AGFG1: variants seen among roughly 807,000 people sequenced by gnomAD.
AGFG1 encodes the protein ArfGAP with FG repeats 1.
A neutral mutation model predicts 60.6 loss-of-function variants in AGFG1; 10 were observed. The observed-to-expected ratio is 0.16, with a 90% confidence interval of 0.10 to 0.28. AGFG1 has a LOEUF of 0.28. AGFG1 is among the 10% of genes least tolerant of loss of function. The pLI is 1.00. For missense variants in AGFG1, 537 were observed against 676.5 expected, an observed-to-expected ratio of 0.79 and a Z score of 2.29; for synonymous variants, 247 against 242.9, an observed-to-expected ratio of 1.02 and a Z score of -0.16.
intron 1 of AGFG1, among the ~76,000 whole-genome samples, chr2:227,484,688 GTTTTTTTTTTTTTTT>G (rs745570416): frequency 3.6e-4 from 9 of 25,090 alleles, no homozygotes; most frequent in East Asian, 6.2e-3. Flanking sequence ...TTTTTTTTTT[GTTTTTTTTTTTTTTT>G]TTTTTTTTTT....
At position 227,472,170 on chromosome 2, in the gene AGFG1, T is replaced by G. The variant is rs1051940023; in HGVS notation, c.-252T>G. 2 of 156,158 alleles carry G rather than the reference T, an allele frequency of 1.3e-5. No individual in the cohort carries two copies. The highest frequency in any genetic ancestry group is 4.8e-5 in the African/African-American group (2 of 41,466). 9.7% of individuals were successfully genotyped at this position (156,158 alleles called of 1,614,324 possible). A position where few individuals can be genotyped will look rare whatever the true frequency, so the allele number is the denominator to read the frequency against. On this transcript the variant is annotated 5_prime_UTR_variant, in exon 1 of 13. Coordinates refer to ENST00000310078, the MANE Select transcript of AGFG1 (RefSeq NM_004504.5). ...CCTCGTCTTTTCCCCTCAGGAGAAG[T>G]CGGGAAGGTGGCGGCGGCGGCGGCG...
chr2:227,547,165 A>G (rs2106238893), intron 10 of AGFG1, among the ~76,000 whole-genome samples: 1 of 152,324 alleles, frequency 6.6e-6, no homozygotes, highest in South Asian at 2.1e-4. Flanking sequence ...CCTTATATCT[A>G]AATACTTAGT....
At position 227,558,321 on chromosome 2, in the gene AGFG1, T is replaced by G. The variant is rs1217641518; in HGVS notation, c.*3826T>G. 1 of 152,148 alleles carries G rather than the reference T, an allele frequency of 6.6e-6. No individual in the cohort carries two copies. Among genetic ancestry groups the G allele is most frequent in the Non-Finnish European group, 1.5e-5 (1 of 68,012 alleles). 9.4% of individuals were successfully genotyped at this position (152,148 alleles called of 1,614,324 possible). ...TTCTGAACAAGTTAACGTTCTTGTC[T>G]TGTATATCTAAAAAAACTTTAATCA... On this transcript the variant is annotated 3_prime_UTR_variant, in exon 13 of 13. Transcript: ENST00000310078.
chr2:227,472,285 C>G lies in AGFG1; in HGVS notation c.-137C>G, dbSNP rs2106142907. ...CGAGCCCAGTACAGCCAAGCCGCTG[C>G]GGCCGGGTCCGGCGCGGGCGGCGCG... On this transcript the variant is annotated 5_prime_UTR_variant, in exon 1 of 13. Transcript: ENST00000310078. 2.4e-6 allele frequency: 1 copy of G among 422,776 alleles called. No individual in the cohort carries two copies. The highest frequency in any genetic ancestry group is 9.4e-5 in the South Asian group (1 of 10,626). The allele number at this position is 422,776 out of a possible 1,614,324, so 26.2% of individuals were successfully genotyped here. A position where few individuals can be genotyped will look rare whatever the true frequency, so the allele number is the denominator to read the frequency against.
At chr2:227,487,483 A>G (rs1271260026) in intron 1 of AGFG1, among the ~76,000 whole-genome samples, 1 of 152,124 alleles carries the variant, frequency 6.6e-6, no homozygotes, top group African/African-American at 2.4e-5. Flanking sequence ...ATAATGTCAT[A>G]CTTTTTAAAA....
At chr2:227,546,448 G>C (rs1692651066) in intron 10 of AGFG1, among the ~76,000 whole-genome samples, 1 of 152,210 alleles carries the variant, frequency 6.6e-6, no homozygotes, top group African/African-American at 2.4e-5. Flanking sequence ...CCCGGGTGAG[G>C]TGATGCCCCG....
chr2:227,512,725 T>G (rs940285311), intron 2 of AGFG1, among the ~76,000 whole-genome samples: 39 of 152,256 alleles, frequency 2.6e-4, no homozygotes, highest in African/African-American at 9.2e-4. Context: ...TATTGATTAC[T>G]TGTTCATCAA....
intron 2 of AGFG1, among the ~76,000 whole-genome samples, chr2:227,492,833 A>G (rs1690859336): frequency 6.6e-6 from 1 of 152,146 alleles, no homozygotes; most frequent in Admixed American, 6.5e-5. Context: ...TTTAATGAAG[A>G]GTAAGCATAG....
chr2:227,480,443 A>C (rs1017314964), intron 1 of AGFG1, among the ~76,000 whole-genome samples: 1 of 151,966 alleles, frequency 6.6e-6, no homozygotes, highest in Non-Finnish European at 1.5e-5. Context: ...TCCATCTCCC[A>C]GGCTGGAGTG....
intron 10 of AGFG1, among the ~76,000 whole-genome samples, chr2:227,548,676 G>A (rs1314835003): frequency 2.6e-5 from 4 of 152,296 alleles, no homozygotes; most frequent in East Asian, 1.9e-4. Context: ...AGTGGCTCAC[G>A]CCTGTAATCC....
rs1295238680 is a variant in AGFG1, at chr2:227,559,338, A to C, written c.*4843A>C. 2 of 152,192 alleles carry C rather than the reference A, an allele frequency of 1.3e-5. No homozygotes were observed. The highest frequency in any genetic ancestry group is 2.9e-5 in the Non-Finnish European group (2 of 68,020). The allele number at this position is 152,192 out of a possible 1,614,324, so 9.4% of individuals were successfully genotyped here. A position where few individuals can be genotyped will look rare whatever the true frequency, so the allele number is the denominator to read the frequency against. ...CAAATCCTGAATATATAGTGAAGGT[A>C]GGAAATAGCTCTTCTTATGCCACAT... On this transcript the variant is annotated 3_prime_UTR_variant, in exon 13 of 13. Coordinates refer to ENST00000310078, the MANE Select transcript of AGFG1 (RefSeq NM_004504.5).
intron 10 of AGFG1, among the ~76,000 whole-genome samples, chr2:227,540,632 C>A (rs997868692): frequency 1.3e-5 from 2 of 152,092 alleles, no homozygotes; most frequent in Non-Finnish European, 2.9e-5. Context: ...TCTTTGCTAT[C>A]GTGAATAGTG....
rs186877694 is a variant in AGFG1 at position 227,548,686 on chromosome 2, C to T, written c.1379-3273C>T. On this transcript the variant is annotated intron_variant, in intron 10 of 12. Transcript: ENST00000310078. Reference sequence around the variant, plus strand: ...GGTGCAGTGGCTCACGCCTGTAATCCCAGCACTTTGGGAGGCCGAGGCAGG... The same window carrying T: ...GGTGCAGTGGCTCACGCCTGTAATCTCAGCACTTTGGGAGGCCGAGGCAGG... Among the ~76,000 whole-genome samples, 459 of 152,250 alleles carry T rather than the reference C, an allele frequency of 3.0e-3. 3 individuals carry two copies. Among genetic ancestry groups the T allele is most frequent in the African/African-American group, 0.011 (447 of 41,544 alleles).
intron 2 of AGFG1, among the ~76,000 whole-genome samples, chr2:227,496,883 A>T (rs1367478362): frequency 6.6e-6 from 1 of 152,204 alleles, no homozygotes; most frequent in Non-Finnish European, 1.5e-5. Context: ...TGTCATTTAC[A>T]TTAATATTCG....
chr2:227,516,829 C>G (rs1264552006), intron 2 of AGFG1, among the ~76,000 whole-genome samples: 1 of 151,926 alleles, frequency 6.6e-6, no homozygotes, highest in Non-Finnish European at 1.5e-5. Flanking sequence ...GTAAAGTGTC[C>G]ATCAAATACA....
intron 2 of AGFG1, among the ~76,000 whole-genome samples, chr2:227,505,863 G>A (rs932736137): frequency 1.3e-5 from 2 of 151,818 alleles, no homozygotes; most frequent in East Asian, 1.9e-4. Context: ...TCAGCCTCCC[G>A]AGTAGCTGGG....
chr2:227,503,584 G>C (rs1226738214), intron 2 of AGFG1, among the ~76,000 whole-genome samples: 1 of 152,116 alleles, frequency 6.6e-6, no homozygotes, highest in East Asian at 1.9e-4. Flanking sequence ...TCCACTGTTG[G>C]CAGCTTTGGG....
chr2:227,504,233 C>T (rs112797716), intron 2 of AGFG1, among the ~76,000 whole-genome samples: 106 of 150,384 alleles, frequency 7.0e-4, no homozygotes, highest in African/African-American at 2.4e-3. Flanking sequence ...TTCCGTCACT[C>T]CCGGGCTGGA....
At chr2:227,484,438 G>C (rs1575063496) in intron 1 of AGFG1, among the ~76,000 whole-genome samples, 1 of 151,994 alleles carries the variant, frequency 6.6e-6, no homozygotes, top group Non-Finnish European at 1.5e-5. Flanking sequence ...CCACCCGCCT[G>C]CTGGGATTAA....
Sources: gnomAD v4.1 joint callset for allele counts (sites outside exome capture counted in the v4.1 genomes callset) on GRCh38, gnomAD v4.1.1 for gene constraint, MANE v1.5 for transcripts, NCBI Gene and HGNC (gene_info 2026-07-23, HGNC 2026-07-21) for gene names.